The following DCLK1 variants were observed in gnomAD, a reference collection of about 807,000 sequenced individuals.
DCLK1 encodes serine/threonine-protein kinase DCLK1.
DCLK1 carries 16 observed loss-of-function variants against 86.2 expected under a neutral mutation model. The ratio of observed to expected loss-of-function variants is 0.19; its 90% CI spans 0.13 to 0.28. The LOEUF (loss-of-function observed/expected upper bound fraction) is 0.28, where lower values mean the gene tolerates loss of function less well. DCLK1 is among the 10% of genes least tolerant of loss of function. DCLK1 has a pLI of 1.00. For missense variants in DCLK1, 590 were observed against 940.2 expected (o/e 0.63, Z 4.87); for synonymous variants, 369 against 370.5 (o/e 1.00, Z 0.05).
intron 16 of DCLK1, among the ~76,000 whole-genome samples, chr13:35,776,539 C>T (rs527617437): frequency 1.3e-5 from 2 of 152,284 alleles, no homozygotes; most frequent in South Asian, 2.1e-4. Flanking sequence ...CCCACTCTGT[C>T]CATTGCTGAC....
chr13:36,019,972 G>T (rs941952137), intron 3 of DCLK1, among the ~76,000 whole-genome samples: 1 of 152,158 alleles, frequency 6.6e-6, no homozygotes, highest in Non-Finnish European at 1.5e-5. Flanking sequence ...TTCATGAATG[G>T]CTTTGTGCCA....
intron 5 of DCLK1, among the ~76,000 whole-genome samples, chr13:35,864,708 A>T (rs1388641001): frequency 2.8e-5 from 4 of 140,580 alleles, no homozygotes; most frequent in Non-Finnish European, 4.5e-5. Context: ...GCTGGAGTGC[A>T]GTGGTGTGAT....
chr13:35,770,196 C>A lies in DCLK1; in HGVS notation c.*4339G>T, dbSNP rs975008872. On this transcript the variant is annotated 3_prime_UTR_variant, in exon 17 of 17. Transcript: ENST00000360631. ...AAGATTCCTTCTGACGTCCTAGGAA[C>A]CCCATTTGTTACCGTTTCATGTGTA... The A allele has an allele frequency of 6.6e-6, 1 of 152,200 alleles. No homozygotes were observed. Among genetic ancestry groups the A allele is most frequent in the Non-Finnish European group, 1.5e-5 (1 of 68,030 alleles). The allele number at this position is 152,200 out of a possible 1,614,324, so 9.4% of individuals were successfully genotyped here.
At chr13:35,938,896 G>T (rs988823189) in intron 4 of DCLK1, among the ~76,000 whole-genome samples, 3 of 152,094 alleles carry the variant, frequency 2.0e-5, no homozygotes, top group Non-Finnish European at 4.4e-5. Flanking sequence ...TGTGAGGACC[G>T]GAAGAGAAAA....
chr13:35,850,433 C>T, intron 6 of DCLK1: 1 of 1,084,048 alleles, frequency 9.2e-7, no homozygotes, highest in Non-Finnish European at 1.1e-6. Flanking sequence ...AATATTGGGT[C>T]CGTGTATGAA....
Position 36,003,060 on chromosome 13 carries a change from T to G in DCLK1, c.724-55603A>C, listed in dbSNP as rs142244076. The stretch of plus-strand genomic sequence containing the variant: ...TGTCCTCTTCTCAGCAATCTGCCCA[T>G]ACTTTCTAAACTATCTGATCTTATC... On this transcript the variant is annotated intron_variant, in intron 3 of 16. Transcript: ENST00000360631. 2.9e-3 allele frequency among the ~76,000 whole-genome samples: 439 copies of G among 152,314 alleles called. 4 individuals carry two copies. Among genetic ancestry groups the G allele is most frequent in the African/African-American group, 0.01 (422 of 41,572 alleles).
chr13:35,954,912 C>T (rs1219053672), intron 3 of DCLK1, among the ~76,000 whole-genome samples: 1 of 151,950 alleles, frequency 6.6e-6, no homozygotes, highest in Non-Finnish European at 1.5e-5. Context: ...CAGGCTGATG[C>T]TTAAAGAAAT....
intron 6 of DCLK1, among the ~76,000 whole-genome samples, chr13:35,853,221 A>C (rs150911691): frequency 1.3e-5 from 2 of 152,282 alleles, no homozygotes; most frequent in African/African-American, 4.8e-5. Flanking sequence ...AAACACTCAA[A>C]TGGAGGTAGA....
chr13:36,045,326 GTGTGTGTATATATATATATATATATA>G (rs1285980211), intron 3 of DCLK1, among the ~76,000 whole-genome samples: 4,293 of 60,924 alleles, frequency 0.07, 127 homozygotes, highest in African/African-American at 0.12. Flanking sequence ...ATATGTGTGT[GTGTGTGTATATATATATATATATATA>G]TATATATATA....
intron 16 of DCLK1, chr13:35,788,429 T>C (rs2086658206): frequency 1.4e-6 from 1 of 725,918 alleles, no homozygotes; most frequent in Admixed American, 2.8e-5. Flanking sequence ...ATATCCTAAG[T>C]CTGCATACTG....
intron 3 of DCLK1, among the ~76,000 whole-genome samples, chr13:36,070,744 C>T (rs1265532641): frequency 3.3e-5 from 5 of 152,024 alleles, no homozygotes; most frequent in Admixed American, 1.3e-4. Context: ...TGGGTTCAAG[C>T]GATTCTCTTG....
At chr13:35,990,661 C>T (rs1156244989) in intron 3 of DCLK1, among the ~76,000 whole-genome samples, 1 of 152,062 alleles carries the variant, frequency 6.6e-6, no homozygotes, top group Non-Finnish European at 1.5e-5. Context: ...TCCCTCACAG[C>T]ACCTATGTAG....
At chr13:35,886,728 A>G (rs1349034129) in intron 4 of DCLK1, among the ~76,000 whole-genome samples, 10 of 152,230 alleles carry the variant, frequency 6.6e-5, no homozygotes, top group Admixed American at 5.9e-4. Context: ...TGAACCAGAC[A>G]ACACCCACAT....
At chr13:35,878,563 T>C (rs1872712197) in intron 4 of DCLK1, among the ~76,000 whole-genome samples, 1 of 151,814 alleles carries the variant, frequency 6.6e-6, no homozygotes, top group Non-Finnish European at 1.5e-5. Flanking sequence ...CAAAAAATAA[T>C]TAGAAAAAAT....
rs554353935 is a variant in DCLK1, at chr13:35,841,079, G to A, written c.1036-1903C>T. On this transcript the variant is annotated intron_variant, in intron 6 of 16. Coordinates refer to ENST00000360631, the MANE Select transcript of DCLK1 (RefSeq NM_001330071.2). ...GTAGACCTTCTCTTCTGGGCTTTCT[G>A]GACCTTGAATTTCTTCCAGCAGCAG... is the stretch of plus-strand genomic sequence containing the variant. 1.4e-4 allele frequency among the ~76,000 whole-genome samples: 22 copies of A among 152,258 alleles called. No homozygotes were observed. The East Asian group carries it at 4.1e-3, about 28-fold the overall frequency.
At chr13:35,842,765 A>C (rs1297155625) in intron 6 of DCLK1, among the ~76,000 whole-genome samples, 1 of 152,070 alleles carries the variant, frequency 6.6e-6, no homozygotes, top group Non-Finnish European at 1.5e-5. Context: ...CCTCACGTTA[A>C]ATGTCATCTT....
chr13:35,914,382 T>C (rs1258466777), intron 4 of DCLK1, among the ~76,000 whole-genome samples: 1 of 96,510 alleles, frequency 1.0e-5, no homozygotes, highest in African/African-American at 3.3e-5. Context: ...TATATATATA[T>C]ATATATATAA....
intron 3 of DCLK1, among the ~76,000 whole-genome samples, chr13:36,061,401 TAGA>T (rs922190471): frequency 3.3e-5 from 5 of 152,162 alleles, no homozygotes; most frequent in Admixed American, 6.5e-5. Context: ...TTTCTAAAAT[TAGA>T]AGATTAGATA....
chr13:35,918,490 A>G (rs1448467425), intron 4 of DCLK1, among the ~76,000 whole-genome samples: 1 of 152,206 alleles, frequency 6.6e-6, no homozygotes, highest in Non-Finnish European at 1.5e-5. Flanking sequence ...ATTGCATAGT[A>G]GCTTCCATGG....
Sources: allele counts gnomAD v4.1 joint callset (sites outside exome capture counted in the v4.1 genomes callset), GRCh38; gene constraint gnomAD v4.1.1; transcripts MANE v1.5; gene names NCBI Gene and HGNC (gene_info 2026-07-23, HGNC 2026-07-21).